Variants in ADGRF5 observed in about 807,000 individuals in gnomAD.
ADGRF5 encodes the protein G-protein coupled receptor 116.
In ADGRF5, 75 loss-of-function variants were observed where a neutral mutation model predicts 132.3. The ratio of observed to expected loss-of-function variants is 0.57; its 90% CI spans 0.47 to 0.69. The LOEUF (loss-of-function observed/expected upper bound fraction) is 0.69. Among genes scored for constraint, ADGRF5 ranks in the 30% least tolerant of loss-of-function variants. The pLI, the probability that ADGRF5 is intolerant of heterozygous loss-of-function variation, is 0.00. For synonymous variants in ADGRF5, 629 were observed against 597.6 expected, an observed-to-expected ratio of 1.05 and a Z score of -0.77; for missense variants, 1,516 against 1,630.6, an observed-to-expected ratio of 0.93 and a Z score of 1.21.
chr6:46,921,546 G>A lies in ADGRF5; in HGVS notation c.-25+167C>T, dbSNP rs746462578. Among the ~76,000 whole-genome samples the A allele has an allele frequency of 5.6e-4, 86 of 152,246 alleles. 3 individuals are homozygous for A. Among genetic ancestry groups the A allele is most frequent in the Middle Eastern group, 6.8e-3 (2 of 294 alleles). On this transcript the variant is annotated intron_variant, in intron 1 of 20. Coordinates refer to ENST00000283296, the MANE Select transcript of ADGRF5 (RefSeq NM_001098518.2). ...AACAGTATGCACAATGCTCTTGACT[G>A]GACATACTTAACTTTCCCAACATAC...
chr6:46,881,409 C>T (rs372082777), intron 8 of ADGRF5, 46 bp downstream of exon 8: 1,298 of 1,527,804 alleles, frequency 8.5e-4, no homozygotes, highest in Non-Finnish European at 1.1e-3. Context: ...CCTAGGTTTA[C>T]GCATAACCAT....
chr6:46,905,385 C>A (rs1236229540), intron 2 of ADGRF5: 2 of 151,596 alleles, frequency 1.3e-5, no homozygotes, highest in African/African-American at 2.4e-5. Flanking sequence ...CTAGGTCAAA[C>A]AATGAAAGAA....
chr6:46,906,188 A>G (rs977893407), intron 2 of ADGRF5, among the ~76,000 whole-genome samples: 2 of 152,218 alleles, frequency 1.3e-5, no homozygotes, highest in African/African-American at 4.8e-5. Context: ...CCCTTCAGCT[A>G]TATCAGTCTG....
intron 1 of ADGRF5, among the ~76,000 whole-genome samples, chr6:46,927,315 G>C (rs1277294188): frequency 6.6e-6 from 1 of 151,262 alleles, no homozygotes; most frequent in Non-Finnish European, 1.5e-5. Context: ...TGGGTGGAGG[G>C]GGGTGGGCAG....
chr6:46,944,812 C>A (rs1038563788), intron 1 of ADGRF5, among the ~76,000 whole-genome samples: 7 of 152,148 alleles, frequency 4.6e-5, no homozygotes, highest in African/African-American at 1.4e-4. Flanking sequence ...AGCATACCAT[C>A]TGCCACCCAG....
chr6:46,893,484 C>G (rs1189824190), intron 3 of ADGRF5, among the ~76,000 whole-genome samples: 1 of 152,120 alleles, frequency 6.6e-6, no homozygotes, highest in Non-Finnish European at 1.5e-5. Flanking sequence ...CACCTCATTC[C>G]CTCAGAAGGC....
chr6:46,872,875 C>A (rs140787567), intron 10 of ADGRF5, among the ~76,000 whole-genome samples: 1 of 152,170 alleles, frequency 6.6e-6, no homozygotes, highest in East Asian at 1.9e-4. Context: ...TTAGTTCCAA[C>A]GTAAATGTGT....
chr6:46,941,847 T>G (rs1337347402), intron 1 of ADGRF5, among the ~76,000 whole-genome samples: 1 of 152,220 alleles, frequency 6.6e-6, no homozygotes, highest in Non-Finnish European at 1.5e-5. Flanking sequence ...TATCAGGGCT[T>G]CTGCCTAAAG....
chr6:46,853,452 A>G lies in ADGRF5; in HGVS notation c.*540T>C, dbSNP rs910591524. ...CAATGTTGCACTGAGTGATTATATT[A>G]GATCATTAACATGGAAATCTTACAA... On this transcript the variant is annotated 3_prime_UTR_variant, in exon 21 of 21. Coordinates refer to ENST00000283296, the MANE Select transcript of ADGRF5 (RefSeq NM_001098518.2). 6 of 153,024 alleles carry G rather than the reference A, an allele frequency of 3.9e-5. No individual in the cohort carries two copies. The highest frequency in any genetic ancestry group is 1.2e-4 in the African/African-American group (5 of 41,418). The allele number at this position is 153,024 out of a possible 1,614,324, so 9.5% of individuals were successfully genotyped here. A position where few individuals can be genotyped will look rare whatever the true frequency, so the allele number is the denominator to read the frequency against.
intron 1 of ADGRF5, among the ~76,000 whole-genome samples, chr6:46,919,474 G>A (rs1776708161): frequency 6.6e-6 from 1 of 152,170 alleles, no homozygotes; most frequent in Admixed American, 6.5e-5. Flanking sequence ...TAATATTTAG[G>A]AGGAGACAGA....
chr6:46,860,542 A>G (rs2150784619), intron 16 of ADGRF5, among the ~76,000 whole-genome samples, 173 bp downstream of exon 16: 1 of 152,350 alleles, frequency 6.6e-6, no homozygotes, highest in East Asian at 1.9e-4. Flanking sequence ...CTCAAAATGA[A>G]TACTGGAAAC....
chr6:46,910,232 T>C (rs1366144592), intron 1 of ADGRF5, among the ~76,000 whole-genome samples: 2 of 152,126 alleles, frequency 1.3e-5, no homozygotes, highest in Non-Finnish European at 2.9e-5. Context: ...CCTCCGACAG[T>C]TGGAGCAACC....
intron 1 of ADGRF5, among the ~76,000 whole-genome samples, chr6:46,934,067 A>G (rs1279293154): frequency 6.6e-6 from 1 of 152,186 alleles, no homozygotes; most frequent in Non-Finnish European, 1.5e-5. Flanking sequence ...GTGTGTGCAC[A>G]TACTTACGGC....
At chr6:46,936,920 C>G (rs1777858261) in intron 1 of ADGRF5, among the ~76,000 whole-genome samples, 1 of 152,176 alleles carries the variant, frequency 6.6e-6, no homozygotes, top group South Asian at 2.1e-4. Flanking sequence ...AGCCACAGAT[C>G]CTGGGGGATC....
intron 20 of ADGRF5, 75 bp downstream of exon 20, chr6:46,855,899 G>A (rs1768979917): frequency 3.7e-6 from 3 of 815,918 alleles, no homozygotes; most frequent in Non-Finnish European, 6.4e-6. Flanking sequence ...GGGTGAAAGA[G>A]TAGGGGTGTT....
Position 46,867,084 on chromosome 6 carries a change from CT to C in ADGRF5, c.1674del (p.Asp559ThrfsTer9), listed in dbSNP as rs1770537605. The C allele has an allele frequency of 6.2e-7, 1 of 1,613,576 alleles. No homozygotes were observed. The highest frequency in any genetic ancestry group is 8.5e-7 in the Non-Finnish European group (1 of 1,179,654). On this transcript the variant is annotated frameshift_variant, in exon 13 of 21. Coordinates refer to ENST00000283296, the MANE Select transcript of ADGRF5 (RefSeq NM_001098518.2). LOFTEE classifies it high-confidence loss of function. ...RYKNSYSIAT[K>X]DVIVHPLPLK... Reference sequence around the variant, plus strand: ...AGAGGCAGCGGGTGAACAATGACGTCTTTGGTTGCAATACTGTATGAATTCT... The same window carrying C: ...AGAGGCAGCGGGTGAACAATGACGTCTTGGTTGCAATACTGTATGAATTCT...
chr6:46,887,991 A>G, intron 4 of ADGRF5: 1 of 164,630 alleles, frequency 6.1e-6, no homozygotes, highest in Non-Finnish European at 1.2e-5. Context: ...CCAAGGGAGG[A>G]GGACACAGGG....
intron 1 of ADGRF5, among the ~76,000 whole-genome samples, chr6:46,929,357 G>C (rs1777427488): frequency 6.6e-6 from 1 of 152,022 alleles, no homozygotes; most frequent in Non-Finnish European, 1.5e-5. Context: ...TCGGGGGAGA[G>C]GGGAGGGATA....
At chr6:46,890,073 G>A (rs1258740993) in intron 3 of ADGRF5, among the ~76,000 whole-genome samples, 1 of 151,986 alleles carries the variant, frequency 6.6e-6, no homozygotes, top group Non-Finnish European at 1.5e-5. Context: ...GAATAAGAAA[G>A]TTTTACACAG....
Sources: gnomAD v4.1 joint callset for allele counts (sites outside exome capture counted in the v4.1 genomes callset) on GRCh38, gnomAD v4.1.1 for gene constraint, MANE v1.5 for transcripts, NCBI Gene and HGNC (gene_info 2026-07-23, HGNC 2026-07-21) for gene names.